Variants in NSL1 observed in about 807,000 individuals in gnomAD.
NSL1 encodes the protein kinetochore-associated protein NSL1 homolog.
Under a neutral mutation model 25.4 loss-of-function variants are expected in NSL1, and 11 were observed. The observed-to-expected ratio is 0.43, with a 90% CI of 0.27 to 0.72. The LOEUF is 0.72. Ranked by LOEUF, NSL1 falls within the 30% of genes least tolerant of loss-of-function variation. NSL1 has a pLI of 0.19. For synonymous variants in NSL1, 118 were observed against 120.6 expected (o/e 0.98, Z 0.14); for missense variants, 330 against 342.7 (o/e 0.96, Z 0.29).
At chr1:212,740,354 T>G (rs547261769) in intron 4 of NSL1, among the ~76,000 whole-genome samples, 1 of 152,274 alleles carries the variant, frequency 6.6e-6, no homozygotes, top group Admixed American at 6.5e-5. Flanking sequence ...CTGACTTGTC[T>G]TAGGTTCATC....
At position 212,729,557 on chromosome 1, in the gene NSL1, C is replaced by G; in HGVS notation, c.*8851G>C. ...TACAACTTTGCCCATTTTTATTATT[C>G]TGCCAGTGTCATCCCCTCATTTCTA... On this transcript the variant is annotated 3_prime_UTR_variant, in exon 6 of 6. Coordinates refer to ENST00000366977, the MANE Select transcript of NSL1 (RefSeq NM_015471.4). The G allele has an allele frequency of 1.0e-6, 1 of 985,380 alleles. No homozygotes were observed. The highest frequency in any genetic ancestry group is 1.2e-6 in the Non-Finnish European group (1 of 829,928). 61.0% of individuals were successfully genotyped at this position (985,380 alleles called of 1,614,324 possible). A position where few individuals can be genotyped will look rare whatever the true frequency, so the allele number is the denominator to read the frequency against.
Position 212,760,657 on chromosome 1 carries a change from C to T in NSL1, c.500-21056G>A, listed in dbSNP as rs1219130552. On this transcript the variant is annotated intron_variant, in intron 4 of 5. Transcript: ENST00000366977. This position sits in a 1 kb window ranked among gnomAD's most constrained non-coding sequence, Gnocchi z 4.3. The stretch of plus-strand genomic sequence containing the variant: ...CTGTGCTTGCTGCCTGGGGGCCTGA[C>T]GGTTGACCCGCCACTGCTACTGCCA... Among the ~76,000 whole-genome samples, 1 of 152,012 alleles carries T rather than the reference C, an allele frequency of 6.6e-6. No homozygotes were observed. The highest frequency in any genetic ancestry group is 1.5e-5 in the Non-Finnish European group (1 of 67,980).
intron 1 of NSL1, among the ~76,000 whole-genome samples, chr1:212,790,387 ATTGTG>A (rs1229773693): frequency 1.3e-5 from 2 of 152,118 alleles, no homozygotes; most frequent in Non-Finnish European, 2.9e-5. Flanking sequence ...GTTAAAAAAA[ATTGTG>A]TTGGTTGAAA....
intron 4 of NSL1, among the ~76,000 whole-genome samples, chr1:212,750,416 G>A (rs1043898016): frequency 2.6e-5 from 4 of 152,010 alleles, no homozygotes; most frequent in Non-Finnish European, 5.9e-5. Context: ...AAACATGAGA[G>A]AAGGAAGGGA....
chr1:212,755,338 A>C (rs906390218), intron 4 of NSL1, among the ~76,000 whole-genome samples: 1 of 152,098 alleles, frequency 6.6e-6, no homozygotes, highest in Non-Finnish European at 1.5e-5. Context: ...TCTAGAATAT[A>C]GGAGTCCTCA....
chr1:212,782,382 G>T lies in NSL1; in HGVS notation c.489C>A (p.Asp163Glu). 1.2e-6 allele frequency: 2 copies of T among 1,609,702 alleles called. No homozygotes were observed. Among genetic ancestry groups the T allele is most frequent in the Non-Finnish European group, 1.7e-6 (2 of 1,176,020 alleles). ...TGGATACTGACTCACCTGGATCAGG[G>T]TCATATTTTAGGTCCAGTGGATGTA... is the stretch of plus-strand genomic sequence containing the variant. ...PVVHPLDLKY[D>E]PDPAPHMENL... The change falls in exon 4 of 6, where the codon GAC (aspartate) becomes GAA (glutamate). Residue 163 changes from aspartate to glutamate, a missense_variant. Physicochemically the swap from Asp to Glu is conservative, Grantham distance 45. Transcript: ENST00000366977.
chr1:212,790,455 TAAA>T (rs1661153593), intron 1 of NSL1, among the ~76,000 whole-genome samples: 1 of 152,228 alleles, frequency 6.6e-6, no homozygotes, highest in Admixed American at 6.5e-5. Flanking sequence ...AAGCCTTTCT[TAAA>T]TATTTTTGCA....
chr1:212,736,417 C>CT lies in NSL1; in HGVS notation c.*1990dup, dbSNP rs796505672. ...TTGATTTTCAATTTTTTCCTTCAAC[C>CT]TTTCCAATTCCTTAAAACTACAGAC... On this transcript the variant is annotated 3_prime_UTR_variant, in exon 6 of 6. Transcript: ENST00000366977. 17 of 985,114 alleles carry CT rather than the reference C, an allele frequency of 1.7e-5. No individual in the cohort carries two copies. The African/African-American group carries it at 2.6e-4, about 15-fold the overall frequency. The allele number at this position is 985,114 out of a possible 1,614,324, so 61.0% of individuals were successfully genotyped here.
chr1:212,767,220 C>T (rs142188833), intron 4 of NSL1, among the ~76,000 whole-genome samples: 3,471 of 152,278 alleles, frequency 0.023, 63 homozygotes, highest in South Asian at 0.041. Context: ...ACCAAAACAA[C>T]ATGGTACTGG....
intron 4 of NSL1, among the ~76,000 whole-genome samples, chr1:212,747,145 G>C (rs566630334): frequency 4.3e-5 from 6 of 139,018 alleles, no homozygotes; most frequent in African/African-American, 1.5e-4. Flanking sequence ...AAAAAAAAAA[G>C]ATGGCCCCCA....
chr1:212,737,972 C>T lies in NSL1; in HGVS notation c.*436G>A, dbSNP rs183974570. 6 of 986,414 alleles carry T rather than the reference C, an allele frequency of 6.1e-6. No individual in the cohort carries two copies. The African/African-American group carries it at 8.8e-5, about 14-fold the overall frequency. The allele number at this position is 986,414 out of a possible 1,614,324, so 61.1% of individuals were successfully genotyped here. On this transcript the variant is annotated 3_prime_UTR_variant, in exon 6 of 6. Coordinates refer to ENST00000366977, the MANE Select transcript of NSL1 (RefSeq NM_015471.4). ...ACCCTGCATCTGCTGCTGTGCAGAA[C>T]TGATAATTACTTTTCAGCATGTAAA...
intron 2 of NSL1, among the ~76,000 whole-genome samples, chr1:212,785,483 C>A (rs969329496): frequency 3.3e-5 from 5 of 152,082 alleles, no homozygotes; most frequent in Non-Finnish European, 5.9e-5. Flanking sequence ...AATGCTATCC[C>A]TCCCCACTCC....
chr1:212,767,522 T>A (rs1267052955), intron 4 of NSL1, among the ~76,000 whole-genome samples: 2 of 152,172 alleles, frequency 1.3e-5, no homozygotes, highest in Non-Finnish European at 2.9e-5. Flanking sequence ...AAAGAATTCA[T>A]GACTAACACC....
rs928542636 is a variant in NSL1 at position 212,735,547 on chromosome 1, G to A, written c.*2861C>T. 11 of 985,216 alleles carry A rather than the reference G, an allele frequency of 1.1e-5. No homozygotes were observed. The highest frequency in any genetic ancestry group is 1.0e-4 in the African/African-American group (6 of 57,216). The allele number at this position is 985,216 out of a possible 1,614,324, so 61.0% of individuals were successfully genotyped here. A position where few individuals can be genotyped will look rare whatever the true frequency, so the allele number is the denominator to read the frequency against. ...AGGTCTAGGATAAGATTTTCTGTGG[G>A]CTTGTGTTATGGACTCAATGTTTGT... On this transcript the variant is annotated 3_prime_UTR_variant, in exon 6 of 6. Transcript: ENST00000366977.
intron 4 of NSL1, among the ~76,000 whole-genome samples, chr1:212,780,885 TA>T (rs1660705800): frequency 1.6e-4 from 24 of 152,058 alleles, no homozygotes; most frequent in Admixed American, 1.4e-3. Flanking sequence ...CCTAGATAAG[TA>T]GGCAAGACAT....
chr1:212,784,042 A>G (rs1660834735), intron 3 of NSL1: 2 of 165,208 alleles, frequency 1.2e-5, no homozygotes, highest in Non-Finnish European at 2.6e-5. Context: ...AAGTGTTAAA[A>G]GAAAAGCTTC....
intron 4 of NSL1, among the ~76,000 whole-genome samples, chr1:212,762,197 C>G (rs113163264): frequency 1.2e-4 from 18 of 150,082 alleles, no homozygotes; most frequent in African/African-American, 4.4e-4. Context: ...ACTTGGGAGG[C>G]TGAGGCAGGA....
chr1:212,773,918 A>G (rs1420001942), intron 4 of NSL1, among the ~76,000 whole-genome samples: 3 of 152,140 alleles, frequency 2.0e-5, no homozygotes, highest in Non-Finnish European at 4.4e-5. Context: ...GTTAAGTGAA[A>G]TAAGCCAGGG....
chr1:212,748,575 AACACCAATTTAAAGAAGGT>A (rs1658916407), intron 4 of NSL1, among the ~76,000 whole-genome samples: 1 of 152,332 alleles, frequency 6.6e-6, no homozygotes, highest in African/African-American at 2.4e-5. Flanking sequence ...TCATAGGAAT[AACACCAATTTAAAGAAGGT>A]AACACAAGAA....
Sources: gnomAD v4.1 joint callset for allele counts (sites outside exome capture counted in the v4.1 genomes callset) on GRCh38, gnomAD v4.1.1 for gene constraint, Gnocchi (gnomAD v3.1) non-coding constraint, MANE v1.5 for transcripts, NCBI Gene and HGNC (gene_info 2026-07-23, HGNC 2026-07-21) for gene names.